The following ATG7 variants were observed in gnomAD, a reference collection of about 807,000 sequenced individuals.
ATG7 encodes the protein autophagy related 7.
A neutral mutation model predicts 82.4 loss-of-function variants in ATG7; 70 were observed. That is an observed-to-expected ratio of 0.85 (90% confidence interval 0.70 to 1.04). ATG7 has a LOEUF of 1.04. Among genes scored for constraint, ATG7 ranks in the 50% least tolerant of loss-of-function variants. ATG7 has a pLI of 0.00. For synonymous variants in ATG7, 287 were observed against 313.0 expected (o/e 0.92, Z 0.88); for missense variants, 792 against 864.3 (o/e 0.92, Z 1.05).
At chr3:11,394,817 A>G (rs1386136696) in intron 19 of ATG7, among the ~76,000 whole-genome samples, 2 of 152,220 alleles carry the variant, frequency 1.3e-5, no homozygotes, top group Non-Finnish European at 2.9e-5. Flanking sequence ...CTTAGAGGGA[A>G]ATATGATCCT....
intron 20 of ATG7, among the ~76,000 whole-genome samples, chr3:11,454,879 G>A (rs1315196387): frequency 6.6e-6 from 1 of 152,028 alleles, no homozygotes; most frequent in Non-Finnish European, 1.5e-5. Flanking sequence ...ATTACAGAAA[G>A]GTCTATAGGA....
At chr3:11,341,893 T>C (rs541919400) in intron 12 of ATG7, among the ~76,000 whole-genome samples, 12 of 152,260 alleles carry the variant, frequency 7.9e-5, no homozygotes, top group Admixed American at 2.0e-4. Context: ...GCTCTTCCCT[T>C]TTCACCTTGG....
At chr3:11,380,180 C>A in intron 19 of ATG7, 128 bp downstream of exon 19, 1 of 795,318 alleles carries the variant, frequency 1.3e-6, no homozygotes, top group East Asian at 2.6e-5. Context: ...GGGGTCTAAA[C>A]CCTCAGAAAG....
At chr3:11,354,650 C>CAAA (rs5846706) in intron 14 of ATG7, among the ~76,000 whole-genome samples, 88 of 61,898 alleles carry the variant, frequency 1.4e-3, no homozygotes, top group Admixed American at 2.1e-3. Context: ...TCCATCTCAC[C>CAAA]AAAAAAAAAA....
intron 3 of ATG7, among the ~76,000 whole-genome samples, chr3:11,295,291 A>G (rs1445398495): frequency 6.6e-6 from 1 of 152,220 alleles, no homozygotes; most frequent in African/African-American, 2.4e-5. Flanking sequence ...AATAATTATT[A>G]TAATTCCCAC....
At chr3:11,480,600 T>C (rs2088845977) in intron 20 of ATG7, among the ~76,000 whole-genome samples, 1 of 152,176 alleles carries the variant, frequency 6.6e-6, no homozygotes, top group Admixed American at 6.5e-5. Flanking sequence ...TTACAATCTG[T>C]GCTCACTGGT....
chr3:11,573,170 A>G, the ATG7 span, among the ~76,000 whole-genome samples: 1 of 151,624 alleles, frequency 6.6e-6, no homozygotes, highest in Non-Finnish European at 1.5e-5. Flanking sequence ...CGTCTCAAGA[A>G]AGAAAGACAG....
intron 3 of ATG7, among the ~76,000 whole-genome samples, chr3:11,285,317 G>A (rs1284564604): frequency 6.6e-6 from 1 of 151,490 alleles, no homozygotes; most frequent in Non-Finnish European, 1.5e-5. Context: ...CTCCCAAGTA[G>A]CTGGGACTAC....
chr3:11,419,038 G>T (rs1276992209), intron 19 of ATG7, among the ~76,000 whole-genome samples: 1 of 152,106 alleles, frequency 6.6e-6, no homozygotes, highest in Admixed American at 6.5e-5. Flanking sequence ...ATGAGATTTA[G>T]TGGGGACACA....
At chr3:11,547,827 T>G (rs1241060763) in intron 20 of ATG7, among the ~76,000 whole-genome samples, 1 of 152,238 alleles carries the variant, frequency 6.6e-6, no homozygotes, top group African/African-American at 2.4e-5. Flanking sequence ...TCTGGAGAAA[T>G]GTCTATCCAA....
intron 20 of ATG7, among the ~76,000 whole-genome samples, chr3:11,449,005 A>C (rs915571676): frequency 2.0e-5 from 3 of 152,260 alleles, no homozygotes; most frequent in African/African-American, 7.2e-5. Flanking sequence ...ATTGAGGGTT[A>C]ACTGTAAGAC....
chr3:11,555,895 T>G lies in ATG7; in HGVS notation c.*1052T>G, dbSNP rs2072357093. 1 of 152,186 alleles carries G rather than the reference T, an allele frequency of 6.6e-6. No individual in the cohort carries two copies. Among genetic ancestry groups the G allele is most frequent in the African/African-American group, 2.4e-5 (1 of 41,346 alleles). The allele number at this position is 152,186 out of a possible 1,614,324, so 9.4% of individuals were successfully genotyped here. A position where few individuals can be genotyped will look rare whatever the true frequency, so the allele number is the denominator to read the frequency against. ...TGAGTCGAGCTGACCCTTACAACAGTAGGATTTAGTAGGGTAGATTTCAAA... is the reference window on the plus strand; with the variant it reads ...TGAGTCGAGCTGACCCTTACAACAGGAGGATTTAGTAGGGTAGATTTCAAA... On this transcript the variant is annotated 3_prime_UTR_variant, in exon 21 of 21. Transcript: ENST00000693202.
rs777300033 is a variant in ATG7 at position 11,342,293 on chromosome 3, G to T, written c.1125+14G>T. 43 of 1,602,932 alleles carry T rather than the reference G, an allele frequency of 2.7e-5. No individual in the cohort carries two copies. The highest frequency in any genetic ancestry group is 3.1e-5 in the Non-Finnish European group (36 of 1,176,104). ...AGGACGTTGATGGTAAGTCGGAGGT[G>T]GGGGGTGCAAATGGCACCTTTGAAG... On this transcript the variant is annotated intron_variant, in intron 13 of 20. Transcript: ENST00000693202.
At position 11,309,124 on chromosome 3, in the gene ATG7, C is replaced by T; in HGVS notation, c.411+63C>T. ...AAATCCCCTGGCTTAGCCCAGTGTA[C>T]CAGTAGAACAGTCTGCTCTTCTCTC... On this transcript the variant is annotated intron_variant, in intron 7 of 20. Coordinates refer to ENST00000693202, the MANE Select transcript of ATG7 (RefSeq NM_001349232.2). 6 of 1,426,796 alleles carry T rather than the reference C, an allele frequency of 4.2e-6. No individual in the cohort carries two copies. In the South Asian group the frequency reaches 5.7e-5, roughly 14 times the overall value. The allele number at this position is 1,426,796 out of a possible 1,614,324, so 88.4% of individuals were successfully genotyped here.
chr3:11,443,837 CAT>C (rs1405240607), intron 20 of ATG7, among the ~76,000 whole-genome samples: 1 of 152,158 alleles, frequency 6.6e-6, no homozygotes, highest in East Asian at 1.9e-4. Context: ...TGAGCTATAA[CAT>C]ATGCAGAAAA....
chr3:11,545,143 G>A (rs1303250447), intron 20 of ATG7, among the ~76,000 whole-genome samples: 2 of 152,294 alleles, frequency 1.3e-5, no homozygotes, highest in African/African-American at 2.4e-5. Flanking sequence ...GTGGGCCAGA[G>A]AGAGGGTGCC....
At chr3:11,442,739 C>CAAAAAAAAAAAA (rs57073881) in intron 20 of ATG7, among the ~76,000 whole-genome samples, 1 of 69,248 alleles carries the variant, frequency 1.4e-5, no homozygotes, top group African/African-American at 5.7e-5. Context: ...TCCATCTCTA[C>CAAAAAAAAAAAA]AAAAAAAAAA....
chr3:11,379,647 A>G (rs1427571171), intron 18 of ATG7, among the ~76,000 whole-genome samples: 1 of 152,218 alleles, frequency 6.6e-6, no homozygotes, highest in African/African-American at 2.4e-5. Flanking sequence ...GGACCTGTTC[A>G]ACATTTTGGA....
At chr3:11,518,810 T>G (rs991339302) in intron 20 of ATG7, among the ~76,000 whole-genome samples, 1 of 152,208 alleles carries the variant, frequency 6.6e-6, no homozygotes, top group African/African-American at 2.4e-5. Flanking sequence ...TAACTTTCAC[T>G]GAATTCTAAC....
Sources: gnomAD v4.1 joint callset for allele counts (sites outside exome capture counted in the v4.1 genomes callset) on GRCh38, gnomAD v4.1.1 for gene constraint, MANE v1.5 for transcripts, NCBI Gene and HGNC (gene_info 2026-07-23, HGNC 2026-07-21) for gene names.